Variants in SEM1 observed in about 807,000 individuals in gnomAD.
The protein encoded by SEM1 is SEM1 26S proteasome subunit.
Under a neutral mutation model 12.7 loss-of-function variants are expected in SEM1, and 3 were observed. The observed-to-expected ratio is 0.24, with a 90% CI of 0.11 to 0.61. The LOEUF (loss-of-function observed/expected upper bound fraction) is 0.61, where lower values mean the gene tolerates loss of function less well. Ranked by LOEUF, SEM1 falls within the 20% of genes least tolerant of loss-of-function variation. The pLI is 0.88. For missense variants in SEM1, 59 were observed against 81.3 expected (o/e 0.73, Z 1.06); for synonymous variants, 30 against 27.8 (o/e 1.08, Z -0.25).
intron 2 of SEM1, among the ~76,000 whole-genome samples, chr7:96,599,360 G>A (rs1397380713): frequency 6.6e-6 from 1 of 152,000 alleles, no homozygotes; most frequent in Non-Finnish European, 1.5e-5. Flanking sequence ...ACAACAAACA[G>A]CAAAACAAAA....
rs939451756 is a variant in SEM1 at position 96,623,434 on chromosome 7, A to C, written c.171-791T>G. Among the ~76,000 whole-genome samples, 11 of 147,820 alleles carry C rather than the reference A, an allele frequency of 7.4e-5. No homozygotes were observed. In the South Asian group the frequency reaches 1.0e-3, roughly 14 times the overall value. On this transcript the variant is annotated intron_variant, in intron 2 of 2. Transcript: ENST00000417009. ...TTCTTTTTCTTCTTCTTCTCTCTCT[A>C]TATATTTAAATTATATTAATTTATA...
chr7:96,528,757 C>T (rs1305613506), intron 2 of SEM1, among the ~76,000 whole-genome samples: 1 of 152,072 alleles, frequency 6.6e-6, no homozygotes, highest in Non-Finnish European at 1.5e-5. Context: ...TCAGAATCTG[C>T]AGTCATCAAG....
At chr7:96,522,913 A>G (rs1485304241) in intron 2 of SEM1, among the ~76,000 whole-genome samples, 8 of 138,258 alleles carry the variant, frequency 5.8e-5, no homozygotes, top group Non-Finnish European at 9.5e-5. Context: ...AAAAAAAAAG[A>G]GAGATGTTGT....
At chr7:96,676,784 C>G (rs2115643327) in intron 2 of SEM1, among the ~76,000 whole-genome samples, 2 of 152,250 alleles carry the variant, frequency 1.3e-5, no homozygotes, top group South Asian at 4.2e-4. Context: ...ATATACCATG[C>G]CTAGCATGTG....
intron 3 of SEM1, chr7:96,503,570 C>T (rs1485655826): frequency 2.6e-5 from 4 of 152,080 alleles, no homozygotes; most frequent in Admixed American, 6.6e-5. Context: ...TAATCAATGT[C>T]CCTGGAAGTT....
Position 96,513,903 on chromosome 7 carries a change from A to G in SEM1, c.171-7205T>C, listed in dbSNP as rs190257900. ...TATGTAATATTACTATAGTAATATTACAATGGATACTACTATGAAGCTTGC... is the reference window on the plus strand; with the variant it reads ...TATGTAATATTACTATAGTAATATTGCAATGGATACTACTATGAAGCTTGC... On this transcript the variant is annotated intron_variant and NMD_transcript_variant, in intron 2 of 3. Coordinates refer to the SEM1 transcript ENST00000466986. 9.4e-3 allele frequency among the ~76,000 whole-genome samples: 1,436 copies of G among 152,256 alleles called. 24 individuals carry two copies. Among genetic ancestry groups the G allele is most frequent in the African/African-American group, 0.033 (1,375 of 41,556 alleles).
intron 2 of SEM1, among the ~76,000 whole-genome samples, chr7:96,580,792 C>T (rs1206502322): frequency 3.3e-5 from 5 of 152,012 alleles, no homozygotes; most frequent in Non-Finnish European, 7.3e-5. Flanking sequence ...CTGTTCATGT[C>T]CTTCGCCCAC....
chr7:96,553,533 T>C (rs28853897), intron 2 of SEM1, among the ~76,000 whole-genome samples: 91,636 of 150,404 alleles, frequency 0.61, 28,519 homozygotes, highest in Non-Finnish European at 0.69. Context: ...CTGAGGGCTC[T>C]GTTCTGTTCC....
intron 2 of SEM1, among the ~76,000 whole-genome samples, chr7:96,532,538 A>T (rs1000655750): frequency 6.6e-6 from 1 of 152,138 alleles, no homozygotes; most frequent in African/African-American, 2.4e-5. Context: ...GGGAACATTT[A>T]AAAATGGTGC....
At chr7:96,581,912 T>G (rs1231423787) in intron 2 of SEM1, among the ~76,000 whole-genome samples, 4 of 152,192 alleles carry the variant, frequency 2.6e-5, no homozygotes, top group African/African-American at 7.2e-5. Context: ...TCGTGTCATC[T>G]GCAAACAGGG....
At chr7:96,708,151 C>G (rs112995424) in intron 1 of SEM1, 120 of 152,294 alleles carry the variant, frequency 7.9e-4, no homozygotes, top group African/African-American at 2.8e-3. Context: ...ATCCTACCTT[C>G]AATAGGCCAG....
intron 2 of SEM1, among the ~76,000 whole-genome samples, chr7:96,646,681 TC>T (rs761673196): frequency 5.9e-5 from 9 of 152,114 alleles, no homozygotes; most frequent in Non-Finnish European, 1.0e-4. Context: ...TGCCATCCTC[TC>T]CCCAGGTGAT....
downstream of SEM1, among the ~76,000 whole-genome samples, chr7:96,687,350 A>G (rs1051131761): frequency 7.2e-5 from 11 of 152,320 alleles, no homozygotes; most frequent in African/African-American, 2.6e-4. Flanking sequence ...TGTTTATTGC[A>G]GCACTATTCA....
chr7:96,709,838 AC>A lies in SEM1; in HGVS notation c.-76del. The A allele has an allele frequency of 7.5e-7, 1 of 1,330,524 alleles. No homozygotes were observed. 82.4% of individuals were successfully genotyped at this position (1,330,524 alleles called of 1,614,324 possible). ...CCTCACTCTTCCTCAAGGAAACGCC[AC>A]CGTCACTACCGCCTCCGACGCTGAC... On this transcript the variant is annotated 5_prime_UTR_variant, in exon 1 of 3. Coordinates refer to ENST00000248566, the MANE Select transcript of SEM1 (RefSeq NM_006304.2).
downstream of SEM1, among the ~76,000 whole-genome samples, chr7:96,619,867 C>T (rs538968413): frequency 8.5e-5 from 13 of 152,240 alleles, no homozygotes; most frequent in African/African-American, 3.1e-4. Flanking sequence ...GCCACGTCAA[C>T]TCGAACTTTG....
At chr7:96,555,631 A>AGGTGT (rs1805459397) in intron 2 of SEM1, among the ~76,000 whole-genome samples, 1 of 143,732 alleles carries the variant, frequency 7.0e-6, no homozygotes, top group Admixed American at 7.2e-5. Context: ...ATTTTGGAAT[A>AGGTGT]GGTGTGGTGC....
intron 2 of SEM1, among the ~76,000 whole-genome samples, chr7:96,652,554 T>C (rs1231000181): frequency 6.6e-6 from 1 of 152,080 alleles, no homozygotes; most frequent in African/African-American, 2.4e-5. Flanking sequence ...ATTATTTGGA[T>C]TATTTTAATT....
At chr7:96,695,271 G>A in intron 1 of SEM1, 1 of 160,766 alleles carries the variant, frequency 6.2e-6, no homozygotes. Context: ...ATTCAAAACT[G>A]CAAAACGTAA....
At chr7:96,652,545 T>G (rs1249547123) in intron 2 of SEM1, among the ~76,000 whole-genome samples, 1 of 152,064 alleles carries the variant, frequency 6.6e-6, no homozygotes, top group Non-Finnish European at 1.5e-5. Flanking sequence ...ATCCAATCCA[T>G]TATTTGGATT....
Sources: gnomAD v4.1 joint callset for allele counts (sites outside exome capture counted in the v4.1 genomes callset) on GRCh38, gnomAD v4.1.1 for gene constraint, MANE v1.5 for transcripts, NCBI Gene and HGNC (gene_info 2026-07-23, HGNC 2026-07-21) for gene names.